VWA3B: variants seen among roughly 807,000 people sequenced by gnomAD.
VWA3B encodes the protein von Willebrand factor A domain-containing protein 3B.
A neutral mutation model predicts 158.3 loss-of-function variants in VWA3B; 138 were observed. The observed-to-expected ratio is 0.87, with a 90% confidence interval of 0.76 to 1.00. The LOEUF (loss-of-function observed/expected upper bound fraction) is 1.00, where lower values mean the gene tolerates loss of function less well. Among genes scored for constraint, VWA3B ranks in the 50% least tolerant of loss-of-function variants. The pLI, the probability that VWA3B is intolerant of heterozygous loss-of-function variation, is 0.00. For missense variants in VWA3B, 1,555 were observed against 1,565.1 expected (o/e 0.99, Z 0.11); for synonymous variants, 596 against 587.3 (o/e 1.01, Z -0.21).
intron 7 of VWA3B, among the ~76,000 whole-genome samples, chr2:98,159,652 T>G (rs1013888610): frequency 6.6e-6 from 1 of 152,110 alleles, no homozygotes; most frequent in Non-Finnish European, 1.5e-5. Context: ...CCTGAATGAC[T>G]CCATTAGGAA....
chr2:98,234,513 G>A (rs1472876391), intron 16 of VWA3B, 135 bp from the exon 17 acceptor site: 18 of 1,317,868 alleles, frequency 1.4e-5, no homozygotes, highest in Admixed American at 2.3e-5. Context: ...TTCAGTTTGT[G>A]GCAGCACCAT....
chr2:98,148,439 C>T lies in VWA3B; in HGVS notation c.989-14412C>T, dbSNP rs188783242. On this transcript the variant is annotated intron_variant, in intron 7 of 27. Transcript: ENST00000477737. The stretch of plus-strand genomic sequence containing the variant: ...TGTGTTTCTTATCACATTGTGTGAA[C>T]AGTCTTTGGTGTATTACATATGGAT... 1.8e-3 allele frequency among the ~76,000 whole-genome samples: 269 copies of T among 152,256 alleles called. 1 individual carries two copies. The highest frequency in any genetic ancestry group is 6.2e-3 in the African/African-American group (258 of 41,550).
At chr2:98,297,760 C>G (rs1028876203) in intron 23 of VWA3B, 147 bp from the exon 24 acceptor site, 2 of 1,119,494 alleles carry the variant, frequency 1.8e-6, no homozygotes, top group South Asian at 5.6e-5. Context: ...CTATGGTGCC[C>G]AAGATTATCT....
chr2:98,195,176 C>T (rs1023015858), intron 12 of VWA3B, among the ~76,000 whole-genome samples: 1 of 152,154 alleles, frequency 6.6e-6, no homozygotes, highest in Non-Finnish European at 1.5e-5. Context: ...AGCTGGACAT[C>T]GTGGTGCACA....
rs760613904 is a variant in VWA3B, at chr2:98,119,609, A to G, written c.388A>G (p.Ser130Gly). 5.0e-6 allele frequency: 8 copies of G among 1,613,924 alleles called. No homozygotes were observed. The highest frequency in any genetic ancestry group is 6.8e-6 in the Non-Finnish European group (8 of 1,180,022). ...KQRMDWLTSK[S>G]RQIFGVILEQ... ...GCGAATGGACTGGCTCACCAGCAAG[A>G]GCCGGCAGATTTTTGGTGTCATCTT... The change falls in exon 4 of 28, where the codon AGC (serine) becomes GGC (glycine). Residue 130 changes from serine to glycine, a missense_variant. By Grantham distance (56) the Ser-to-Gly change is moderately conservative (BLOSUM62 0). Transcript: ENST00000477737.
intron 8 of VWA3B, among the ~76,000 whole-genome samples, chr2:98,172,189 G>A (rs1228849535): frequency 2.0e-5 from 3 of 152,206 alleles, no homozygotes; most frequent in African/African-American, 4.8e-5. Context: ...CGGATCACAC[G>A]TGGGCTTGGA....
intron 20 of VWA3B, among the ~76,000 whole-genome samples, chr2:98,254,538 AC>A (rs1416502764): frequency 1.3e-5 from 2 of 152,194 alleles, no homozygotes; most frequent in Non-Finnish European, 2.9e-5. Flanking sequence ...GCCTCAAAGA[AC>A]CAAACATCTC....
chr2:98,315,418 C>A (rs939153702), downstream of VWA3B, among the ~76,000 whole-genome samples: 4 of 152,096 alleles, frequency 2.6e-5, no homozygotes, highest in African/African-American at 4.8e-5. Context: ...TGGGTGATTG[C>A]TATAGGGATG....
At chr2:98,105,021 G>GT (rs1283229414) in intron 2 of VWA3B, among the ~76,000 whole-genome samples, 1 of 152,112 alleles carries the variant, frequency 6.6e-6, no homozygotes, top group Non-Finnish European at 1.5e-5. Flanking sequence ...AAAGTCATCT[G>GT]TTTTTTAAAG....
At chr2:98,326,415 A>C in the VWA3B span, among the ~76,000 whole-genome samples, 1 of 152,242 alleles carries the variant, frequency 6.6e-6, no homozygotes, top group Non-Finnish European at 1.5e-5. Flanking sequence ...TTTTTACAAA[A>C]GAAGCTCCAG....
chr2:98,316,648 A>G (rs78372649), downstream of VWA3B, among the ~76,000 whole-genome samples: 1 of 141,016 alleles, frequency 7.1e-6, no homozygotes, highest in African/African-American at 2.7e-5. Flanking sequence ...CTCTGTCTCA[A>G]AAAAAAAAAA....
At chr2:98,274,279 G>A (rs1688387758) in intron 22 of VWA3B, among the ~76,000 whole-genome samples, 1 of 152,224 alleles carries the variant, frequency 6.6e-6, no homozygotes, top group Admixed American at 6.5e-5. Flanking sequence ...ATTTGTAGCT[G>A]TGTCCATGGC....
At chr2:98,182,189 C>A (rs998341048) in intron 9 of VWA3B, among the ~76,000 whole-genome samples, 1 of 152,212 alleles carries the variant, frequency 6.6e-6, no homozygotes, top group Non-Finnish European at 1.5e-5. Context: ...AAGGCCCCCC[C>A]CTCAAATGCA....
At chr2:98,148,591 G>T (rs1474355900) in intron 7 of VWA3B, among the ~76,000 whole-genome samples, 1 of 152,026 alleles carries the variant, frequency 6.6e-6, no homozygotes, top group Non-Finnish European at 1.5e-5. Context: ...TCTCCTTTTG[G>T]TTCTTTATTG....
At chr2:98,190,109 C>A (rs569656591) in intron 10 of VWA3B, among the ~76,000 whole-genome samples, 1 of 152,028 alleles carries the variant, frequency 6.6e-6, no homozygotes, top group Non-Finnish European at 1.5e-5. Flanking sequence ...GTTTTCTGTT[C>A]CCTTTTTACT....
At chr2:98,200,199 T>C (rs1447920676) in intron 12 of VWA3B, among the ~76,000 whole-genome samples, 1 of 152,162 alleles carries the variant, frequency 6.6e-6, no homozygotes, top group South Asian at 2.1e-4. Flanking sequence ...AATTGAGTTG[T>C]TTGTTTTCTT....
intron 13 of VWA3B, chr2:98,216,984 C>CCCCCCCA: frequency 8.1e-7 from 1 of 1,239,952 alleles, no homozygotes; most frequent in Non-Finnish European, 1.0e-6. Context: ...TTGTAAGCAC[C>CCCCCCCA]CGCCCCGCAC....
intron 14 of VWA3B, among the ~76,000 whole-genome samples, chr2:98,225,273 C>T (rs1314777232): frequency 6.6e-6 from 1 of 152,100 alleles, no homozygotes; most frequent in Non-Finnish European, 1.5e-5. Flanking sequence ...TCATTTGTTT[C>T]AAGAAATTTG....
chr2:98,224,352 T>C (rs747459429), intron 14 of VWA3B, among the ~76,000 whole-genome samples: 80 of 152,156 alleles, frequency 5.3e-4, no homozygotes, highest in African/African-American at 1.9e-3. Flanking sequence ...TTTTTAATGA[T>C]TGAAACAAAA....
Sources: gnomAD v4.1 joint callset for allele counts (sites outside exome capture counted in the v4.1 genomes callset) on GRCh38, gnomAD v4.1.1 for gene constraint, MANE v1.5 for transcripts, NCBI Gene and HGNC (gene_info 2026-07-23, HGNC 2026-07-21) for gene names.